DGKG: variants seen among roughly 807,000 people sequenced by gnomAD.
DGKG encodes the protein diacylglycerol kinase gamma.
DGKG carries 78 observed loss-of-function variants against 105.3 expected under a neutral mutation model. The observed-to-expected ratio is 0.74, with a 90% confidence interval of 0.62 to 0.89. The LOEUF is 0.89. Ranked by LOEUF, DGKG falls within the 40% of genes least tolerant of loss-of-function variation. DGKG has a pLI of 0.00. For synonymous variants in DGKG, 346 were observed against 367.1 expected (o/e 0.94, Z 0.66); for missense variants, 958 against 1,020.1 (o/e 0.94, Z 0.83).
At chr3:186,186,676 C>T (rs1423012550) in intron 22 of DGKG, among the ~76,000 whole-genome samples, 3 of 152,196 alleles carry the variant, frequency 2.0e-5, no homozygotes, top group Admixed American at 6.5e-5. Flanking sequence ...TTGTCTCCTG[C>T]CTGCTGGTAT....
At chr3:186,292,296 C>T (rs890029446) in intron 5 of DGKG, among the ~76,000 whole-genome samples, 3 of 152,142 alleles carry the variant, frequency 2.0e-5, no homozygotes, top group African/African-American at 7.2e-5. Context: ...ACCGTGATTC[C>T]ACCGCTGAGT....
intron 20 of DGKG, among the ~76,000 whole-genome samples, chr3:186,235,012 T>A (rs899064101): frequency 6.6e-6 from 1 of 152,218 alleles, no homozygotes; most frequent in East Asian, 1.9e-4. Flanking sequence ...CCTGGACTTC[T>A]GCATTTGTGT....
At position 186,244,396 on chromosome 3, in the gene DGKG, T is replaced by G. The variant is rs73180336; in HGVS notation, c.1762-1828A>C. 9.8e-3 allele frequency among the ~76,000 whole-genome samples: 1,468 copies of G among 150,300 alleles called. 11 individuals carry two copies. Among genetic ancestry groups the G allele is most frequent in the Non-Finnish European group, 0.014 (956 of 67,860 alleles). ...TTTTGAGAGTTTAAAATTTAAACTTTAGCTATTGATGTTTTTTTTTTTTTT... is the reference window on the plus strand; with the variant it reads ...TTTTGAGAGTTTAAAATTTAAACTTGAGCTATTGATGTTTTTTTTTTTTTT... On this transcript the variant is annotated intron_variant, in intron 19 of 24. Transcript: ENST00000265022.
chr3:186,154,245 G>C (rs929055097), intron 24 of DGKG, among the ~76,000 whole-genome samples: 1 of 152,212 alleles, frequency 6.6e-6, no homozygotes, highest in Non-Finnish European at 1.5e-5. Flanking sequence ...TAAGGGAGGA[G>C]GAAGGTTTGC....
intron 22 of DGKG, among the ~76,000 whole-genome samples, chr3:186,184,447 T>C (rs1322803690): frequency 6.6e-6 from 1 of 152,188 alleles, no homozygotes; most frequent in Non-Finnish European, 1.5e-5. Context: ...TAATCTTTGA[T>C]GGAGTGCAGT....
At chr3:186,329,276 G>A (rs59306079) in intron 1 of DGKG, among the ~76,000 whole-genome samples, 9,701 of 152,176 alleles carry the variant, frequency 0.064, 996 homozygotes, top group African/African-American at 0.22. Flanking sequence ...CCTTGTCTAT[G>A]AAATGAGGGG....
chr3:186,199,637 T>C (rs1718352734), intron 21 of DGKG, among the ~76,000 whole-genome samples: 1 of 152,070 alleles, frequency 6.6e-6, no homozygotes, highest in African/African-American at 2.4e-5. Context: ...CTCAGCCTCC[T>C]GAGTAGCTGT....
At chr3:186,247,214 G>A (rs553824758) in intron 19 of DGKG, among the ~76,000 whole-genome samples, 2 of 152,216 alleles carry the variant, frequency 1.3e-5, no homozygotes, top group East Asian at 1.9e-4. Context: ...TGGGGCTGTC[G>A]TAGCAATGAG....
At chr3:186,254,878 C>A (rs1048203376) in intron 17 of DGKG, among the ~76,000 whole-genome samples, 1 of 152,174 alleles carries the variant, frequency 6.6e-6, no homozygotes, top group African/African-American at 2.4e-5. Context: ...GGCCCCATAG[C>A]CTACCACAGT....
chr3:186,309,806 A>G (rs1330873290), intron 2 of DGKG, among the ~76,000 whole-genome samples: 1 of 152,218 alleles, frequency 6.6e-6, no homozygotes, highest in Admixed American at 6.5e-5. Context: ...TTGATTCTAA[A>G]GAGCTGCTGC....
chr3:186,330,606 G>A (rs187340409), intron 1 of DGKG, among the ~76,000 whole-genome samples: 1 of 152,318 alleles, frequency 6.6e-6, no homozygotes, highest in East Asian at 1.9e-4. Flanking sequence ...AGACCACATG[G>A]AGAGGCCACG....
chr3:186,247,491 T>C (rs910224915), intron 19 of DGKG, among the ~76,000 whole-genome samples: 1 of 152,216 alleles, frequency 6.6e-6, no homozygotes, highest in African/African-American at 2.4e-5. Context: ...TCCGCCTCTA[T>C]TTGATCATCA....
rs932941088 is a variant in DGKG, at chr3:186,209,097, T to C, written c.1917+2698A>G. Among the ~76,000 whole-genome samples the C allele has an allele frequency of 1.3e-3, 186 of 144,510 alleles. 1 individual carries two copies. Among genetic ancestry groups the C allele is most frequent in the Middle Eastern group, 6.9e-3 (2 of 290 alleles). The allele number at this position is 144,510 out of a possible 152,430, so 94.8% of individuals were successfully genotyped here. On this transcript the variant is annotated intron_variant, in intron 21 of 24. Transcript: ENST00000265022. Reference sequence around the variant, plus strand: ...CTCTCCCTTCAGTTTACTCTTCTTTTTTTTTTTTTTTTTTTTTTTAAGACG... The same window carrying C: ...CTCTCCCTTCAGTTTACTCTTCTTTCTTTTTTTTTTTTTTTTTTTAAGACG...
At chr3:186,302,533 CATATGTATATATATATATATATAT>C (rs1560143797) in intron 3 of DGKG, among the ~76,000 whole-genome samples, 26 of 30,238 alleles carry the variant, frequency 8.6e-4, no homozygotes, top group African/African-American at 4.8e-3. Context: ...TATATATATA[CATATGTATATATATATATATATAT>C]ACACATATGT....
intron 20 of DGKG, among the ~76,000 whole-genome samples, chr3:186,218,637 T>C (rs1719423353): frequency 6.6e-6 from 1 of 151,896 alleles, no homozygotes; most frequent in African/African-American, 2.4e-5. Context: ...CAACTGCTGC[T>C]GTGTAGGAGT....
At chr3:186,217,710 G>T (rs1719363696) in intron 20 of DGKG, among the ~76,000 whole-genome samples, 1 of 152,226 alleles carries the variant, frequency 6.6e-6, no homozygotes, top group Non-Finnish European at 1.5e-5. Flanking sequence ...AACCCAGCTA[G>T]CTGCTGGCCA....
At chr3:186,330,350 G>A (rs1218756385) in intron 1 of DGKG, among the ~76,000 whole-genome samples, 1 of 152,188 alleles carries the variant, frequency 6.6e-6, no homozygotes, top group African/African-American at 2.4e-5. Context: ...TCAATGAACT[G>A]TCACTATTGT....
intron 20 of DGKG, among the ~76,000 whole-genome samples, chr3:186,232,424 AT>A (rs567469102): frequency 2.0e-5 from 3 of 152,110 alleles, no homozygotes; most frequent in Non-Finnish European, 4.4e-5. Flanking sequence ...GCAAAATATG[AT>A]TTTTTTTACA....
At chr3:186,353,624 C>CTATCTA (rs1423667678) in intron 1 of DGKG, among the ~76,000 whole-genome samples, 97 of 128,604 alleles carry the variant, frequency 7.5e-4, no homozygotes, top group Non-Finnish European at 1.1e-3. Flanking sequence ...TATAGACTCT[C>CTATCTA]TATCTATATC....
Sources: gnomAD v4.1 joint callset for allele counts (sites outside exome capture counted in the v4.1 genomes callset) on GRCh38, gnomAD v4.1.1 for gene constraint, MANE v1.5 for transcripts, NCBI Gene and HGNC (gene_info 2026-07-23, HGNC 2026-07-21) for gene names.